Variants in CPNE8 observed in about 807,000 individuals in gnomAD.
CPNE8 encodes the protein copine 8.
Under a neutral mutation model 81.5 loss-of-function variants are expected in CPNE8, and 45 were observed. The observed-to-expected ratio is 0.55, with a 90% CI of 0.44 to 0.71. The LOEUF is 0.71. CPNE8 is among the 30% of genes least tolerant of loss of function. The probability of loss-of-function intolerance (pLI) is 0.00; values close to 1 mark genes in which losing one functional copy is unlikely to be tolerated. For synonymous variants in CPNE8, 252 were observed against 226.3 expected, an observed-to-expected ratio of 1.11 and a Z score of -1.02; for missense variants, 594 against 672.1, an observed-to-expected ratio of 0.88 and a Z score of 1.28.
chr12:38,684,854 T>C (rs1400436683), intron 16 of CPNE8, among the ~76,000 whole-genome samples: 1 of 152,172 alleles, frequency 6.6e-6, no homozygotes, highest in Non-Finnish European at 1.5e-5. Flanking sequence ...ATTTAAAAAG[T>C]GTTGTCTAAT....
chr12:38,864,057 C>CAAA (rs35534366), intron 3 of CPNE8, among the ~76,000 whole-genome samples: 13 of 89,804 alleles, frequency 1.4e-4, no homozygotes, highest in Non-Finnish European at 1.7e-4. Flanking sequence ...TCATCTCTCA[C>CAAA]AAAAAAAAAA....
chr12:38,756,621 G>A (rs1253834383), intron 10 of CPNE8, among the ~76,000 whole-genome samples: 1 of 152,108 alleles, frequency 6.6e-6, no homozygotes, highest in African/African-American at 2.4e-5. Flanking sequence ...AGAGCACATT[G>A]CCTTATTGGT....
chr12:38,860,182 A>T (rs1943808423), intron 3 of CPNE8, among the ~76,000 whole-genome samples: 1 of 152,010 alleles, frequency 6.6e-6, no homozygotes, highest in African/African-American at 2.4e-5. Context: ...TATACAAAGA[A>T]ATCGGAAACT....
intron 7 of CPNE8, among the ~76,000 whole-genome samples, chr12:38,775,134 C>A (rs992873849): frequency 6.6e-6 from 1 of 151,808 alleles, no homozygotes; most frequent in Non-Finnish European, 1.5e-5. Flanking sequence ...ATAATATATA[C>A]ATATATTTGA....
At chr12:38,657,301 G>T (rs1278121471) in intron 19 of CPNE8, among the ~76,000 whole-genome samples, 2 of 152,154 alleles carry the variant, frequency 1.3e-5, no homozygotes, top group Non-Finnish European at 2.9e-5. Context: ...AGATCGACCT[G>T]CGAGGCTGCA....
chr12:38,767,527 A>T, intron 8 of CPNE8, 108 bp downstream of exon 8: 2 of 637,364 alleles, frequency 3.1e-6, no homozygotes, highest in Non-Finnish European at 5.0e-6. Context: ...TTAAAATCTC[A>T]AACTATTTTA....
intron 6 of CPNE8, among the ~76,000 whole-genome samples, chr12:38,817,313 AT>A (rs1345671933): frequency 6.6e-6 from 1 of 152,212 alleles, no homozygotes; most frequent in East Asian, 1.9e-4. Flanking sequence ...AAATGAATTT[AT>A]TTTTTAATCC....
intron 10 of CPNE8, among the ~76,000 whole-genome samples, chr12:38,744,022 G>A (rs922810390): frequency 5.3e-5 from 8 of 152,094 alleles, no homozygotes; most frequent in African/African-American, 1.9e-4. Flanking sequence ...TTTTTGTTTG[G>A]TTTTAATTAT....
chr12:38,825,694 C>T (rs943805337), intron 6 of CPNE8, among the ~76,000 whole-genome samples: 2 of 152,218 alleles, frequency 1.3e-5, no homozygotes, highest in Non-Finnish European at 2.9e-5. Flanking sequence ...ACATGTTCTT[C>T]CTCCAGACAT....
intron 6 of CPNE8, among the ~76,000 whole-genome samples, chr12:38,787,866 C>T (rs1007370455): frequency 6.7e-6 from 1 of 149,288 alleles, no homozygotes. Flanking sequence ...AATACCTAGA[C>T]ATATACAATC....
intron 17 of CPNE8, 65 bp downstream of exon 17, chr12:38,677,387 A>G: frequency 1.2e-6 from 1 of 852,678 alleles, no homozygotes; most frequent in Non-Finnish European, 2.0e-6. Context: ...AATAGACTCT[A>G]GTCTCTCTCT....
At chr12:38,707,721 T>C (rs1028102203) in intron 13 of CPNE8, among the ~76,000 whole-genome samples, 2 of 152,214 alleles carry the variant, frequency 1.3e-5, no homozygotes, top group African/African-American at 4.8e-5. Context: ...TCAGGAAGAA[T>C]CTCTTGCCTT....
chr12:38,859,278 GT>G (rs891621055), intron 3 of CPNE8, among the ~76,000 whole-genome samples: 3 of 151,688 alleles, frequency 2.0e-5, no homozygotes, highest in African/African-American at 7.3e-5. Context: ...ACAAAAATCA[GT>G]TGTGCTTTTT....
At chr12:38,716,103 G>T (rs914764192) in intron 13 of CPNE8, among the ~76,000 whole-genome samples, 4 of 151,984 alleles carry the variant, frequency 2.6e-5, no homozygotes, top group African/African-American at 7.2e-5. Context: ...GGAAGAAAAA[G>T]ATCTCCACAA....
chr12:38,677,977 G>A (rs1055849573), intron 16 of CPNE8, among the ~76,000 whole-genome samples: 1 of 152,004 alleles, frequency 6.6e-6, no homozygotes, highest in Non-Finnish European at 1.5e-5. Flanking sequence ...TTATACTGCT[G>A]CATGAATTAA....
intron 6 of CPNE8, among the ~76,000 whole-genome samples, chr12:38,827,772 G>T (rs1311114804): frequency 6.6e-6 from 1 of 152,156 alleles, no homozygotes; most frequent in African/African-American, 2.4e-5. Context: ...TAAACATTGA[G>T]TAGTCATGGA....
At chr12:38,796,011 A>G (rs1042056039) in intron 6 of CPNE8, among the ~76,000 whole-genome samples, 1 of 152,216 alleles carries the variant, frequency 6.6e-6, no homozygotes, top group African/African-American at 2.4e-5. Context: ...CTGTAATCCC[A>G]GCACTTTGAG....
intron 10 of CPNE8, among the ~76,000 whole-genome samples, chr12:38,736,256 TA>T (rs1014402976): frequency 1.6e-5 from 2 of 124,822 alleles, no homozygotes; most frequent in African/African-American, 3.1e-5. Context: ...TACACTTCTA[TA>T]ATTCTAAATT....
At chr12:38,796,045 G>C (rs1381345350) in intron 6 of CPNE8, among the ~76,000 whole-genome samples, 1 of 152,170 alleles carries the variant, frequency 6.6e-6, no homozygotes, top group Non-Finnish European at 1.5e-5. Flanking sequence ...CAGATCACTT[G>C]AGTTCAGGAG....
Sources: gnomAD v4.1 joint callset for allele counts (sites outside exome capture counted in the v4.1 genomes callset) on GRCh38, gnomAD v4.1.1 for gene constraint, MANE v1.5 for transcripts, NCBI Gene and HGNC (gene_info 2026-07-23, HGNC 2026-07-21) for gene names.